CDK14: variants seen among roughly 807,000 people sequenced by gnomAD.
The protein encoded by CDK14 is cyclin-dependent kinase 14.
A neutral mutation model predicts 60.7 loss-of-function variants in CDK14; 34 were observed. That is an observed-to-expected ratio of 0.56 (90% CI 0.43 to 0.75). The LOEUF (loss-of-function observed/expected upper bound fraction) is 0.75. CDK14 is among the 30% of genes least tolerant of loss of function. The probability of loss-of-function intolerance (pLI) is 0.00; values close to 1 mark genes in which losing one functional copy is unlikely to be tolerated. For missense variants in CDK14, 482 were observed against 564.1 expected, an observed-to-expected ratio of 0.85 and a Z score of 1.47; for synonymous variants, 197 against 203.7, an observed-to-expected ratio of 0.97 and a Z score of 0.28.
intron 2 of CDK14, among the ~76,000 whole-genome samples, chr7:90,650,147 C>G (rs969663746): frequency 3.9e-5 from 6 of 152,148 alleles, no homozygotes; most frequent in Non-Finnish European, 8.8e-5. Flanking sequence ...TAATGATCAC[C>G]ATTCTAACTG....
chr7:90,613,209 G>A (rs1442615714), intron 2 of CDK14, among the ~76,000 whole-genome samples: 3 of 152,146 alleles, frequency 2.0e-5, no homozygotes, highest in Admixed American at 2.0e-4. Flanking sequence ...TATGACATTT[G>A]GGAGAATTAG....
At chr7:90,837,514 T>C (rs551696838) in intron 5 of CDK14, among the ~76,000 whole-genome samples, 60 of 152,176 alleles carry the variant, frequency 3.9e-4, no homozygotes, top group African/African-American at 1.4e-3. Flanking sequence ...GCTTAGTGTA[T>C]TAGAACATGA....
At chr7:90,869,706 A>T (rs748584315) in intron 6 of CDK14, among the ~76,000 whole-genome samples, 1 of 152,180 alleles carries the variant, frequency 6.6e-6, no homozygotes, top group African/African-American at 2.4e-5. Context: ...AAATGGTTGG[A>T]TTCTGGATAT....
chr7:90,863,698 T>TGTGTGTGTTTG (rs61201271), intron 6 of CDK14, among the ~76,000 whole-genome samples: 1 of 58,468 alleles, frequency 1.7e-5, no homozygotes, highest in Non-Finnish European at 4.0e-5. Context: ...GTGTGTGTGT[T>TGTGTGTGTTTG]TGTGTGTGTG....
At chr7:90,935,687 G>A (rs1185988875) in intron 8 of CDK14, among the ~76,000 whole-genome samples, 1 of 151,892 alleles carries the variant, frequency 6.6e-6, no homozygotes, top group Non-Finnish European at 1.5e-5. Flanking sequence ...GATTTTCCAT[G>A]TATTTGCTTT....
At chr7:90,738,644 G>A (rs935453353) in intron 3 of CDK14, among the ~76,000 whole-genome samples, 2 of 152,206 alleles carry the variant, frequency 1.3e-5, no homozygotes. Context: ...GTATTTCCAC[G>A]TCTCTAAAGT....
At chr7:90,792,667 C>T (rs758740723) in intron 5 of CDK14, among the ~76,000 whole-genome samples, 1 of 152,090 alleles carries the variant, frequency 6.6e-6, no homozygotes, top group African/African-American at 2.4e-5. Context: ...CACCCCTAGT[C>T]CAGGATACCA....
At chr7:90,966,085 T>C (rs1794743054) in intron 9 of CDK14, among the ~76,000 whole-genome samples, 2 of 152,186 alleles carry the variant, frequency 1.3e-5, no homozygotes, top group African/African-American at 2.4e-5. Context: ...AATTTCTTTT[T>C]TAAAAAAATG....
chr7:91,164,082 C>A (rs150966502), intron 14 of CDK14, among the ~76,000 whole-genome samples: 2 of 152,220 alleles, frequency 1.3e-5, no homozygotes, highest in East Asian at 3.9e-4. Context: ...AGGATAGATG[C>A]TTGACAGGGC....
intron 10 of CDK14, among the ~76,000 whole-genome samples, chr7:90,986,976 T>G (rs1306223525): frequency 6.6e-6 from 1 of 151,880 alleles, no homozygotes; most frequent in East Asian, 1.9e-4. Context: ...AACTTACATA[T>G]TACTTTAGGT....
intron 10 of CDK14, among the ~76,000 whole-genome samples, chr7:91,002,452 A>C (rs543336890): frequency 1.3e-5 from 2 of 152,206 alleles, no homozygotes; most frequent in South Asian, 4.2e-4. Context: ...TTAGCTGTTT[A>C]ATTATTTTGA....
intron 14 of CDK14, among the ~76,000 whole-genome samples, chr7:91,118,965 G>C (rs1274728214): frequency 6.6e-6 from 1 of 152,032 alleles, no homozygotes; most frequent in South Asian, 2.1e-4. Context: ...GGCAACTTCT[G>C]AAAAGGCCAT....
chr7:90,838,487 G>A (rs567236456), intron 5 of CDK14, among the ~76,000 whole-genome samples: 160 of 152,276 alleles, frequency 1.1e-3, no homozygotes, highest in African/African-American at 3.6e-3. Flanking sequence ...GGGTCAGGCA[G>A]AATAGAGCCA....
intron 2 of CDK14, among the ~76,000 whole-genome samples, chr7:90,640,457 A>G (rs769824351): frequency 6.6e-6 from 1 of 152,126 alleles, no homozygotes; most frequent in Non-Finnish European, 1.5e-5. Context: ...GAGTATTTGT[A>G]AGTCGGTAAA....
At chr7:91,139,375 C>T (rs887640446) in intron 14 of CDK14, among the ~76,000 whole-genome samples, 1 of 152,036 alleles carries the variant, frequency 6.6e-6, no homozygotes, top group African/African-American at 2.4e-5. Context: ...TGTATGTGTG[C>T]ATGTGCATTT....
chr7:90,926,779 T>G (rs1793429094), intron 8 of CDK14, among the ~76,000 whole-genome samples: 1 of 152,196 alleles, frequency 6.6e-6, no homozygotes, highest in South Asian at 2.1e-4. Flanking sequence ...GGGCTTAGTC[T>G]GCAAGACTAC....
intron 11 of CDK14, among the ~76,000 whole-genome samples, chr7:91,066,329 T>G (rs1167162758): frequency 6.6e-6 from 1 of 152,124 alleles, no homozygotes; most frequent in Non-Finnish European, 1.5e-5. Context: ...TTATGATCCT[T>G]CTATGGACCC....
chr7:90,838,445 G>A (rs1234762532), intron 5 of CDK14, among the ~76,000 whole-genome samples: 1 of 152,126 alleles, frequency 6.6e-6, no homozygotes, highest in Non-Finnish European at 1.5e-5. Flanking sequence ...CAGGGAACAA[G>A]GAAAGATAAC....
At chr7:91,093,162 C>T (rs1562901541) in intron 12 of CDK14, among the ~76,000 whole-genome samples, 1 of 152,166 alleles carries the variant, frequency 6.6e-6, no homozygotes, top group Non-Finnish European at 1.5e-5. Flanking sequence ...AGGACTGGTT[C>T]AGATGTGTGC....
Sources: gnomAD v4.1 joint callset for allele counts (sites outside exome capture counted in the v4.1 genomes callset) on GRCh38, gnomAD v4.1.1 for gene constraint, MANE v1.5 for transcripts, NCBI Gene and HGNC (gene_info 2026-07-23, HGNC 2026-07-21) for gene names.